PARM1: variants seen among roughly 807,000 people sequenced by gnomAD.
PARM1 encodes the protein WSC4, cell wall integrity and stress response component 4 homolog.
Under a neutral mutation model 24.6 loss-of-function variants are expected in PARM1, and 14 were observed. The observed-to-expected ratio is 0.57, with a 90% confidence interval of 0.38 to 0.89. The LOEUF is 0.89. Among genes scored for constraint, PARM1 ranks in the 40% least tolerant of loss-of-function variants. The pLI is 0.00. For synonymous variants in PARM1, 179 were observed against 156.6 expected, an observed-to-expected ratio of 1.14 and a Z score of -1.07; for missense variants, 362 against 380.4, an observed-to-expected ratio of 0.95 and a Z score of 0.40.
At chr4:75,020,754 G>A (rs1342841263) in intron 2 of PARM1, among the ~76,000 whole-genome samples, 1 of 152,166 alleles carries the variant, frequency 6.6e-6, no homozygotes, top group Non-Finnish European at 1.5e-5. Context: ...ATGAGCGCCT[G>A]TGTCTCCCTC....
intron 1 of PARM1, among the ~76,000 whole-genome samples, chr4:74,990,750 C>A (rs541372713): frequency 1.3e-4 from 20 of 152,166 alleles, no homozygotes; most frequent in African/African-American, 4.6e-4. Context: ...TGCCAGATGG[C>A]AAAATTTTTC....
At chr4:74,995,745 C>T (rs767749624) in intron 1 of PARM1, among the ~76,000 whole-genome samples, 3 of 152,116 alleles carry the variant, frequency 2.0e-5, no homozygotes, top group Non-Finnish European at 4.4e-5. Flanking sequence ...GTGTCCTCTC[C>T]GCGGCAGCCC....
chr4:74,966,608 AG>A (rs1448676415), intron 1 of PARM1: 2 of 152,230 alleles, frequency 1.3e-5, no homozygotes, highest in Non-Finnish European at 2.9e-5. Flanking sequence ...ACAGGGGCCA[AG>A]GTTGAGGCCT....
At chr4:74,980,031 G>A (rs1184874009) in intron 1 of PARM1, among the ~76,000 whole-genome samples, 1 of 152,138 alleles carries the variant, frequency 6.6e-6, no homozygotes, top group Admixed American at 6.5e-5. Flanking sequence ...GGTAAAAGCT[G>A]GAAGCATTCC....
intron 1 of PARM1, among the ~76,000 whole-genome samples, chr4:74,972,418 G>A (rs1200908411): frequency 6.6e-6 from 1 of 152,186 alleles, no homozygotes. Context: ...ACTGAGTTAT[G>A]TATTTGTATG....
chr4:75,020,119 G>A (rs549296309), intron 2 of PARM1, among the ~76,000 whole-genome samples: 2 of 149,504 alleles, frequency 1.3e-5, no homozygotes, highest in East Asian at 3.9e-4. Context: ...ATAGGTTAAA[G>A]GGGAAAACAA....
At chr4:74,942,238 G>A (rs1017669238) in intron 1 of PARM1, among the ~76,000 whole-genome samples, 3 of 152,312 alleles carry the variant, frequency 2.0e-5, no homozygotes, top group Non-Finnish European at 2.9e-5. Context: ...TCCCCAGCAC[G>A]TAGAACAGAG....
intron 3 of PARM1, among the ~76,000 whole-genome samples, 155 bp from the exon 4 acceptor site, chr4:75,046,008 C>T (rs1294381481): frequency 5.3e-5 from 8 of 152,174 alleles, no homozygotes; most frequent in African/African-American, 7.2e-5. Flanking sequence ...AGACCGGGGC[C>T]TCCACGGTGG....
intron 3 of PARM1, among the ~76,000 whole-genome samples, chr4:75,041,599 C>T (rs1723485928): frequency 6.6e-6 from 1 of 152,176 alleles, no homozygotes; most frequent in East Asian, 1.9e-4. Context: ...GGACACTTCA[C>T]TCATTTTCAA....
chr4:74,980,509 A>C (rs777877596), intron 1 of PARM1, among the ~76,000 whole-genome samples: 1 of 152,250 alleles, frequency 6.6e-6, no homozygotes, highest in Non-Finnish European at 1.5e-5. Flanking sequence ...GATAGGAAGA[A>C]TCAGTGTCAT....
chr4:75,013,722 T>C (rs368735219), intron 2 of PARM1, among the ~76,000 whole-genome samples: 3 of 152,358 alleles, frequency 2.0e-5, no homozygotes. Flanking sequence ...GGAGAAAACT[T>C]ACTTATTCTT....
chr4:74,969,965 G>A, intron 1 of PARM1: 1 of 152,324 alleles, frequency 6.6e-6, no homozygotes, highest in Non-Finnish European at 1.5e-5. Context: ...TAGTCTGGAT[G>A]CAACCTTTTG....
At chr4:74,995,340 T>A (rs1327370331) in intron 1 of PARM1, among the ~76,000 whole-genome samples, 7 of 152,142 alleles carry the variant, frequency 4.6e-5, no homozygotes, top group Non-Finnish European at 1.0e-4. Context: ...GTGATGAGAT[T>A]GTGGACAAAG....
At chr4:74,938,968 A>C (rs1227217895) in intron 1 of PARM1, among the ~76,000 whole-genome samples, 1 of 152,224 alleles carries the variant, frequency 6.6e-6, no homozygotes, top group Non-Finnish European at 1.5e-5. Context: ...AAATTTAGCA[A>C]ATAAAAACAA....
chr4:75,013,849 C>A (rs1338619158), intron 2 of PARM1, among the ~76,000 whole-genome samples: 3 of 152,136 alleles, frequency 2.0e-5, no homozygotes, highest in South Asian at 2.1e-4. Flanking sequence ...GTTTTGTAAT[C>A]TTGGAAATTA....
intron 1 of PARM1, among the ~76,000 whole-genome samples, chr4:75,007,052 A>G (rs1722786343): frequency 6.6e-6 from 1 of 152,226 alleles, no homozygotes; most frequent in Non-Finnish European, 1.5e-5. Context: ...ACCCCATCAA[A>G]AAGTGGGCGA....
intron 1 of PARM1, among the ~76,000 whole-genome samples, chr4:74,962,772 G>A (rs1042107978): frequency 2.0e-5 from 3 of 152,212 alleles, no homozygotes; most frequent in African/African-American, 7.2e-5. Context: ...AAAGAATGAA[G>A]AGTTATTCTT....
At chr4:74,968,880 A>G (rs1246305644) in intron 1 of PARM1, among the ~76,000 whole-genome samples, 1 of 152,246 alleles carries the variant, frequency 6.6e-6, no homozygotes, top group Non-Finnish European at 1.5e-5. Flanking sequence ...GTAAATCTGT[A>G]GGATTTTTGG....
chr4:74,962,205 T>C (rs1721788882), intron 1 of PARM1, among the ~76,000 whole-genome samples: 1 of 152,218 alleles, frequency 6.6e-6, no homozygotes, highest in Non-Finnish European at 1.5e-5. Flanking sequence ...TTGTATGTTA[T>C]TGAAGTTAAG....
Sources: gnomAD v4.1 joint callset for allele counts (sites outside exome capture counted in the v4.1 genomes callset) on GRCh38, gnomAD v4.1.1 for gene constraint, MANE v1.5 for transcripts, NCBI Gene and HGNC (gene_info 2026-07-23, HGNC 2026-07-21) for gene names.